Variants in MIER3 observed in about 807,000 individuals in gnomAD.
MIER3 encodes mesoderm induction early response protein 3.
In MIER3, 9 loss-of-function variants were observed where a neutral mutation model predicts 63.2. The ratio of observed to expected loss-of-function variants is 0.14; its 90% confidence interval spans 0.09 to 0.25. The LOEUF is 0.25. Ranked by LOEUF, MIER3 falls within the 10% of genes least tolerant of loss-of-function variation. The pLI, the probability that MIER3 is intolerant of heterozygous loss-of-function variation, is 1.00. For synonymous variants in MIER3, 205 were observed against 224.9 expected (o/e 0.91, Z 0.79); for missense variants, 512 against 666.2 (o/e 0.77, Z 2.55).
chr5:56,935,957 G>A (rs1408218751), intron 5 of MIER3, among the ~76,000 whole-genome samples: 1 of 152,148 alleles, frequency 6.6e-6, no homozygotes, highest in Non-Finnish European at 1.5e-5. Context: ...CGGTGCAGTG[G>A]CTCTCATGGC....
At position 56,923,562 on chromosome 5, in the gene MIER3, C is replaced by G. The variant is rs150526244; in HGVS notation, c.1219G>C (p.Val407Leu). The change falls in exon 13 of 13, where the codon GTC (valine) becomes CTC (leucine). Residue 407 changes from valine (V) to leucine (L), a missense_variant. Val to Leu is a conservative substitution (Grantham distance 32). This residue lies in a region of MIER3 where 218 missense variants were observed against 251.2 expected (regional missense o/e 0.87). Coordinates refer to ENST00000381199, the MANE Select transcript of MIER3 (RefSeq NM_001297599.2). ...LTALTNSVAT[V>L]CDPTDVNCLD... The stretch of plus-strand genomic sequence containing the variant: ...CAATTCACATCTGTGGGGTCGCAGA[C>G]GGTTGCTACACTGTTGGTCAAAGCT... The G allele has an allele frequency of 6.2e-7, 1 of 1,613,840 alleles. No individual in the cohort carries two copies. Among genetic ancestry groups the G allele is most frequent in the South Asian group, 1.1e-5 (1 of 91,054 alleles).
intron 9 of MIER3, chr5:56,929,151 T>C (rs139664556): frequency 2.4e-5 from 6 of 250,120 alleles, no homozygotes; most frequent in Admixed American, 5.4e-5. Context: ...AAGTTTTCTA[T>C]AACATGCCTG....
chr5:56,928,955 ACT>A (rs150635397), intron 9 of MIER3, 94 bp from the exon 10 acceptor site: 286,227 of 572,236 alleles, frequency 0.5, 81,884 homozygotes, highest in Non-Finnish European at 0.6. Flanking sequence ...AAGGTCACAA[ACT>A]CTCTCTCTCT....
intron 10 of MIER3, among the ~76,000 whole-genome samples, chr5:56,926,779 T>C (rs1225678047): frequency 6.6e-6 from 1 of 152,042 alleles, no homozygotes; most frequent in Admixed American, 6.6e-5. Context: ...TGAATATTTA[T>C]AGCTTTAATG....
At chr5:56,930,539 TG>T in intron 9 of MIER3, 124 bp downstream of exon 9, 1 of 781,572 alleles carries the variant, frequency 1.3e-6, no homozygotes, top group Non-Finnish European at 2.2e-6. Context: ...TTATTTGCTA[TG>T]GAGCTGAACC....
chr5:56,937,337 A>G (rs1750482404), intron 5 of MIER3, among the ~76,000 whole-genome samples: 1 of 152,308 alleles, frequency 6.6e-6, no homozygotes, highest in Admixed American at 6.5e-5. Flanking sequence ...TCGGCCTCCC[A>G]AAGTGCTGGG....
Position 56,933,415 on chromosome 5 carries a change from C to T in MIER3, c.596-17G>A. ...TTTCATATACTGATAAAGAAAATCCCATTAACACATTAAAAATCATGAACG... is the reference window on the plus strand; with the variant it reads ...TTTCATATACTGATAAAGAAAATCCTATTAACACATTAAAAATCATGAACG... On this transcript the variant is annotated splice_polypyrimidine_tract_variant and intron_variant, in intron 7 of 12. Transcript: ENST00000381199. The T allele has an allele frequency of 6.3e-7, 1 of 1,575,786 alleles. No individual in the cohort carries two copies. Among genetic ancestry groups the T allele is most frequent in the Non-Finnish European group, 8.6e-7 (1 of 1,163,660 alleles).
intron 10 of MIER3, among the ~76,000 whole-genome samples, chr5:56,927,563 T>C (rs1029793138): frequency 3.3e-5 from 5 of 152,196 alleles, no homozygotes; most frequent in Admixed American, 2.6e-4. Flanking sequence ...CATATGTATT[T>C]TGAATAGACT....
intron 9 of MIER3, 82 bp downstream of exon 9, chr5:56,930,582 G>T: frequency 9.0e-7 from 1 of 1,108,950 alleles, no homozygotes. Context: ...GGATTGCTCT[G>T]TCCCTTAGGA....
At chr5:56,940,704 G>A (rs1309445366) in intron 3 of MIER3, among the ~76,000 whole-genome samples, 2 of 152,204 alleles carry the variant, frequency 1.3e-5, no homozygotes, top group African/African-American at 4.8e-5. Context: ...AGCATAAATT[G>A]AATTGGATGG....
chr5:56,946,437 T>C (rs1434701878), intron 3 of MIER3, among the ~76,000 whole-genome samples: 5 of 152,130 alleles, frequency 3.3e-5, no homozygotes, highest in Admixed American at 1.3e-4. Context: ...AGATGACTTT[T>C]AAAGGAGCAG....
chr5:56,937,731 A>G, intron 4 of MIER3, 33 bp from the exon 5 acceptor site: 1 of 1,568,350 alleles, frequency 6.4e-7, no homozygotes, highest in Non-Finnish European at 8.7e-7. Flanking sequence ...CTACAGTTAG[A>G]AATGATTACA....
At chr5:56,935,289 G>A (rs1750403399) in intron 7 of MIER3, 139 bp downstream of exon 7, 2 of 667,280 alleles carry the variant, frequency 3.0e-6, no homozygotes, top group Non-Finnish European at 5.1e-6. Flanking sequence ...CCTAAGTCAG[G>A]CCTAAAAATC....
intron 8 of MIER3, 123 bp from the exon 9 acceptor site, chr5:56,930,868 G>A (rs1008346943): frequency 1.3e-6 from 1 of 779,754 alleles, no homozygotes; most frequent in Non-Finnish European, 2.1e-6. Context: ...TCTAATTTCA[G>A]GGCATTTGAA....
intron 1 of MIER3, among the ~76,000 whole-genome samples, chr5:56,951,196 C>A (rs78904776): frequency 0.023 from 3,494 of 152,260 alleles, 146 homozygotes; most frequent in African/African-American, 0.079. Flanking sequence ...GCGAGCCCCC[C>A]ATCCTCTCTC....
Position 56,935,592 on chromosome 5 carries a change from CAA to C in MIER3, c.522+72_522+73del, listed in dbSNP as rs538377506. On this transcript the variant is annotated intron_variant, in intron 6 of 12. Transcript: ENST00000381199. ...ATTAATCAGTTTCTACAAGTCAAAA[CAA>C]CAAAATTATCATAAATCATTTCAGA... The C allele has an allele frequency of 9.9e-4, 1,509 of 1,528,702 alleles. 8 individuals carry two copies. Among genetic ancestry groups the C allele is most frequent in the Middle Eastern group, 3.8e-3 (22 of 5,730 alleles). 94.7% of individuals were successfully genotyped at this position (1,528,702 alleles called of 1,614,324 possible). A position where few individuals can be genotyped will look rare whatever the true frequency, so the allele number is the denominator to read the frequency against.
In MIER3 at chr5:56,930,730, G is replaced by C. The variant is rs762061209; in HGVS notation, c.763C>G (p.Leu255Val). Reference protein sequence around the residue: ...RDNEQALYELLKCNHNIKEAI... With the variant: ...RDNEQALYELVKCNHNIKEAI... ...TCCTTTATATTGTGGTTACACTTGA[G>C]AAGTTCATATAATGCCTGGGATGGA... Residue 255 changes from leucine (L) to valine (V), a missense_variant, in exon 9 of 13, where the codon CTC (leucine) becomes GTC (valine). Physicochemically the swap from Leu to Val is conservative, Grantham distance 32. Around this residue, in one of 5 missense-constraint regions of MIER3, gnomAD observed 118 missense variants for 133.6 expected, o/e 0.88. Coordinates refer to ENST00000381199, the MANE Select transcript of MIER3 (RefSeq NM_001297599.2). 1 of 1,613,436 alleles carries C rather than the reference G, an allele frequency of 6.2e-7. No individual in the cohort carries two copies. The highest frequency in any genetic ancestry group is 8.5e-7 in the Non-Finnish European group (1 of 1,179,538).
intron 10 of MIER3, chr5:56,925,537 A>C (rs1749928082): frequency 4.3e-6 from 1 of 231,774 alleles, no homozygotes; most frequent in South Asian, 4.9e-5. Context: ...ATACTTGGGT[A>C]TAAATATAAC....
Position 56,935,648 on chromosome 5 carries a change from T to A in MIER3, c.522+18A>T. On this transcript the variant is annotated intron_variant, in intron 6 of 12. Transcript: ENST00000381199. ...ATTTTTAAAAGCCAATTTAGTCCAC[T>A]ATATTAACTCAGCTTACCTTCCTCA... The A allele has an allele frequency of 6.2e-7, 1 of 1,602,058 alleles. No homozygotes were observed. Among genetic ancestry groups the A allele is most frequent in the South Asian group, 1.1e-5 (1 of 89,132 alleles).
Sources: allele counts gnomAD v4.1 joint callset (sites outside exome capture counted in the v4.1 genomes callset), GRCh38; gene constraint gnomAD v4.1.1; regional missense constraint gnomAD v4.1.1; transcripts MANE v1.5; gene names NCBI Gene and HGNC (gene_info 2026-07-23, HGNC 2026-07-21).